Variants in NSRP1 observed in about 807,000 individuals in gnomAD.
The protein encoded by NSRP1 is coiled-coil domain containing 55.
NSRP1 carries 24 observed loss-of-function variants against 54.7 expected under a neutral mutation model. The observed-to-expected ratio is 0.44, with a 90% CI of 0.32 to 0.62. The LOEUF (loss-of-function observed/expected upper bound fraction) is 0.62. NSRP1 is among the 20% of genes least tolerant of loss of function. The pLI is 0.06. For missense variants in NSRP1, 596 were observed against 651.2 expected, an observed-to-expected ratio of 0.92 and a Z score of 0.92; for synonymous variants, 210 against 213.8, an observed-to-expected ratio of 0.98 and a Z score of 0.15.
intron 2 of NSRP1, among the ~76,000 whole-genome samples, chr17:30,143,611 A>G (rs1304618705): frequency 2.0e-5 from 3 of 152,222 alleles, no homozygotes; most frequent in Admixed American, 1.3e-4. Context: ...GTTGTTACCA[A>G]CATAGTTAAT....
Position 30,127,957 on chromosome 17 carries a change from C to T in NSRP1, c.114+9784C>T, listed in dbSNP as rs1597594932. ...CGAAGCACGCCTCTCACCTCAGCCTCCCAAGTAGCTGGGACCACAGGCACA... is the reference window on the plus strand; with the variant it reads ...CGAAGCACGCCTCTCACCTCAGCCTTCCAAGTAGCTGGGACCACAGGCACA... On this transcript the variant is annotated intron_variant, in intron 2 of 6. Coordinates refer to ENST00000247026, the MANE Select transcript of NSRP1 (RefSeq NM_032141.4). 7 of 397,856 alleles carry T rather than the reference C, an allele frequency of 1.8e-5. No homozygotes were observed. The East Asian group carries it at 2.5e-4, about 14-fold the overall frequency. The allele number at this position is 397,856 out of a possible 1,614,324, so 24.6% of individuals were successfully genotyped here.
intron 4 of NSRP1, 33 bp from the exon 5 acceptor site, chr17:30,179,057 T>C (rs1432438012): frequency 7.7e-7 from 1 of 1,300,916 alleles, no homozygotes. Context: ...ACTATTTTTT[T>C]ACTCTTTTCC....
chr17:30,122,349 T>TGTGTGTGTGTATATATATATATATA (rs1481107161), intron 2 of NSRP1: 1 of 72,306 alleles, frequency 1.4e-5, no homozygotes, highest in African/African-American at 5.7e-5. Flanking sequence ...ATAACTCTGG[T>TGTGTGTGTGTATATATATATATATA]TTCATATATA....
At chr17:30,177,616 T>C (rs1451784895) in intron 3 of NSRP1, among the ~76,000 whole-genome samples, 1 of 152,150 alleles carries the variant, frequency 6.6e-6, no homozygotes, top group East Asian at 1.9e-4. Flanking sequence ...ATAATGAAAG[T>C]TTAATATATA....
intron 2 of NSRP1, among the ~76,000 whole-genome samples, chr17:30,152,848 C>T (rs934762182): frequency 6.7e-6 from 1 of 149,476 alleles, no homozygotes; most frequent in Non-Finnish European, 1.5e-5. Flanking sequence ...TAATTACTAT[C>T]AAGCTTTTGA....
intron 2 of NSRP1, among the ~76,000 whole-genome samples, chr17:30,119,075 A>G (rs2071573212): frequency 6.7e-6 from 1 of 149,284 alleles, no homozygotes; most frequent in African/African-American, 2.5e-5. Context: ...TACTCCCATC[A>G]TGTTTTAATA....
chr17:30,155,616 T>C (rs1232695751), intron 2 of NSRP1, among the ~76,000 whole-genome samples: 1 of 152,126 alleles, frequency 6.6e-6, no homozygotes, highest in East Asian at 1.9e-4. Context: ...ATGATCATAG[T>C]GCACTATGCC....
chr17:30,118,079 G>A lies in NSRP1; in HGVS notation c.21-1G>A. 1 of 1,612,376 alleles carries A rather than the reference G, an allele frequency of 6.2e-7. No individual in the cohort carries two copies. The highest frequency in any genetic ancestry group is 8.5e-7 in the Non-Finnish European group (1 of 1,178,652). ...TTCTATTTCAAAAAAAATATATGCA[G>A]GTATGGGCTTATTTTGCCAAAGAAA... is the stretch of plus-strand genomic sequence containing the variant. On this transcript the variant is annotated splice_acceptor_variant, in intron 1 of 6. Transcript: ENST00000247026. LOFTEE classifies it high-confidence loss of function.
At chr17:30,173,947 C>G (rs1001595530) in intron 3 of NSRP1, among the ~76,000 whole-genome samples, 4 of 152,128 alleles carry the variant, frequency 2.6e-5, no homozygotes, top group Non-Finnish European at 5.9e-5. Context: ...ACTCAGCAGC[C>G]TCAGAATGAT....
At chr17:30,117,152 G>T in intron 1 of NSRP1, 1 of 723,692 alleles carries the variant, frequency 1.4e-6, no homozygotes, top group Non-Finnish European at 2.6e-6. Context: ...AGGCCCCTCA[G>T]TCTTGCTTCC....
intron 2 of NSRP1, among the ~76,000 whole-genome samples, chr17:30,131,872 A>C (rs1463488758): frequency 6.6e-6 from 1 of 152,206 alleles, no homozygotes; most frequent in Non-Finnish European, 1.5e-5. Context: ...TGTTTTATCA[A>C]CTAAGTTTAT....
chr17:30,155,740 A>G (rs2071955922), intron 2 of NSRP1, among the ~76,000 whole-genome samples: 1 of 151,850 alleles, frequency 6.6e-6, no homozygotes, highest in South Asian at 2.1e-4. Flanking sequence ...TACCCTTTCC[A>G]TGTGTGTTCT....
chr17:30,183,890 A>G (rs1424535058), intron 6 of NSRP1, among the ~76,000 whole-genome samples: 2 of 152,142 alleles, frequency 1.3e-5, no homozygotes, highest in Admixed American at 6.5e-5. Flanking sequence ...TATTTCTAGG[A>G]CTATTTTTAT....
rs1306311949 is a variant in NSRP1 at position 30,179,247 on chromosome 17, AAG to A, written c.465_466del (p.Arg155SerfsTer2). Reference sequence around the variant, plus strand: ...ACATCTGCATATAAGAAAAAACTGCAAGAGAGAGCTGAAGAAGAAGAAAGAGA... The same window carrying A: ...ACATCTGCATATAAGAAAAAACTGCAAGAGAGCTGAAGAAGAAGAAAGAGA... On this transcript the variant is annotated frameshift_variant, in exon 5 of 7. Coordinates refer to ENST00000247026, the MANE Select transcript of NSRP1 (RefSeq NM_032141.4). LOFTEE classifies it high-confidence loss of function. 6.2e-7 allele frequency: 1 copy of A among 1,604,906 alleles called. No homozygotes were observed. The highest frequency in any genetic ancestry group is 1.3e-5 in the African/African-American group (1 of 74,648).
At chr17:30,177,075 T>TA (rs1174670580) in intron 3 of NSRP1, among the ~76,000 whole-genome samples, 1 of 151,800 alleles carries the variant, frequency 6.6e-6, no homozygotes, top group African/African-American at 2.4e-5. Flanking sequence ...AAACAGGAAG[T>TA]AAAAACGCCC....
intron 2 of NSRP1, among the ~76,000 whole-genome samples, chr17:30,124,433 A>T (rs1037568459): frequency 1.3e-5 from 2 of 152,264 alleles, no homozygotes; most frequent in Non-Finnish European, 2.9e-5. Flanking sequence ...CAGCAAAGAT[A>T]GGCCTGGGCC....
chr17:30,151,102 A>T (rs2071905135), intron 2 of NSRP1, among the ~76,000 whole-genome samples: 1 of 152,070 alleles, frequency 6.6e-6, no homozygotes, highest in Non-Finnish European at 1.5e-5. Context: ...AATGATGTTG[A>T]GCACCTTTTC....
chr17:30,118,864 TAA>T (rs1567787172), intron 2 of NSRP1, among the ~76,000 whole-genome samples: 1 of 151,864 alleles, frequency 6.6e-6, no homozygotes, highest in Non-Finnish European at 1.5e-5. Context: ...TTCTCTTGCC[TAA>T]TCTTCCTGAG....
In NSRP1 at chr17:30,172,586, G is replaced by C; in HGVS notation, c.159G>C (p.Gln53His). ...TTCAGAGGGAAGCTGCTAAGAAGCA[G>C]GCCATGAAACAGGTAAGGTAGAAGA... is the stretch of plus-strand genomic sequence containing the variant. Reference protein sequence around the residue: ...ESLQREAAKKQAMKQTKLEIQ... With the variant: ...ESLQREAAKKHAMKQTKLEIQ... Residue 53 changes from glutamine (Q) to histidine (H), a missense_variant, in exon 3 of 7, where the codon CAG becomes CAC. Gln to His is a conservative substitution (Grantham distance 24). Coordinates refer to ENST00000247026, the MANE Select transcript of NSRP1 (RefSeq NM_032141.4). 2 of 1,610,868 alleles carry C rather than the reference G, an allele frequency of 1.2e-6. No individual in the cohort carries two copies. Among genetic ancestry groups the C allele is most frequent in the Non-Finnish European group, 1.7e-6 (2 of 1,178,098 alleles).
Sources: allele counts gnomAD v4.1 joint callset (sites outside exome capture counted in the v4.1 genomes callset), GRCh38; gene constraint gnomAD v4.1.1; transcripts MANE v1.5; gene names NCBI Gene and HGNC (gene_info 2026-07-23, HGNC 2026-07-21).